GSE1: variants seen among roughly 807,000 people sequenced by gnomAD.
GSE1 encodes the protein genetic suppressor element 1.
In GSE1, 32 loss-of-function variants were observed where a neutral mutation model predicts 112.6. The ratio of observed to expected loss-of-function variants is 0.28; its 90% CI spans 0.21 to 0.38. The LOEUF (loss-of-function observed/expected upper bound fraction) is 0.38, where lower values mean the gene tolerates loss of function less well. GSE1 is among the 10% of genes least tolerant of loss of function. The pLI is 1.00. For missense variants in GSE1, 2,348 were observed against 1,699.2 expected, an observed-to-expected ratio of 1.38 and a Z score of -6.71; for synonymous variants, 1,115 against 735.6, an observed-to-expected ratio of 1.52 and a Z score of -8.35.
intron 2 of GSE1, among the ~76,000 whole-genome samples, chr16:85,395,006 T>C (rs1486868242): frequency 6.6e-6 from 1 of 151,938 alleles, no homozygotes; most frequent in Non-Finnish European, 1.5e-5. Context: ...CAAAGACATA[T>C]AGGAATTAGG....
chr16:85,196,910 A>G (rs1199000051), intron 1 of GSE1, among the ~76,000 whole-genome samples: 1 of 152,072 alleles, frequency 6.6e-6, no homozygotes, highest in Admixed American at 6.5e-5. Context: ...TCCCCTGTGA[A>G]TATGTGTCCA....
chr16:85,497,660 T>A (rs2051225286), intron 2 of GSE1, among the ~76,000 whole-genome samples: 1 of 152,214 alleles, frequency 6.6e-6, no homozygotes, highest in Non-Finnish European at 1.5e-5. Flanking sequence ...CTTTGTCACA[T>A]CTACAAAGAC....
rs1019290258 is a variant in GSE1 at position 85,300,925 on chromosome 16, G to T, written c.2284-56538G>T. ...CCTCCCAGAATTTGGGGGGAGTGGG[G>T]ACTGGGGGCTGGAGAAGGGGAAGAC... On this transcript the variant is annotated intron_variant, in intron 1 of 2. Transcript: ENST00000637419. Among the ~76,000 whole-genome samples, 5 of 152,184 alleles carry T rather than the reference G, an allele frequency of 3.3e-5. No homozygotes were observed. The South Asian group carries it at 1.0e-3, about 32-fold the overall frequency.
chr16:85,394,661 C>T (rs781372832), intron 2 of GSE1, among the ~76,000 whole-genome samples: 1 of 152,210 alleles, frequency 6.6e-6, no homozygotes, highest in Non-Finnish European at 1.5e-5. Flanking sequence ...GTGTGGGCGT[C>T]TCCCCCTGAA....
At chr16:85,289,255 C>G (rs1033015197) in intron 1 of GSE1, among the ~76,000 whole-genome samples, 7 of 152,176 alleles carry the variant, frequency 4.6e-5, no homozygotes, top group Non-Finnish European at 2.9e-5. Context: ...TGAGTTCATC[C>G]TCCCGCCATT....
In GSE1 at chr16:85,648,617, A is replaced by G. The variant is rs2051078627; in HGVS notation, c.292A>G (p.Ser98Gly). The G allele has an allele frequency of 1.9e-6, 3 of 1,605,764 alleles. No homozygotes were observed. The highest frequency in any genetic ancestry group is 2.6e-6 in the Non-Finnish European group (3 of 1,175,950). ...SPATNHSSPA[S>G]TPKRVPMGPI... ...GGCCACCAACCACAGCTCCCCCGCC[A>G]GCACACCCAAGCGCGTGCCCATGGG... The change falls in exon 3 of 16, where the codon AGC (serine) becomes GGC (glycine). Residue 98 changes from serine to glycine, a missense_variant. Physicochemically the swap from Ser to Gly is moderately conservative, Grantham distance 56 (BLOSUM62 0). Coordinates refer to ENST00000253458, the MANE Select transcript of GSE1 (RefSeq NM_014615.5).
rs1275074365 is a variant in GSE1 at position 85,478,907 on chromosome 16, C to T, written c.2464+121264C>T. ...TCTTTCTTTCTTTCTTTCTTTCTTT[C>T]TTTCTTTCTTTCTTTCTTTCTCTTT... On this transcript the variant is annotated intron_variant, in intron 2 of 2. Transcript: ENST00000637419. Among the ~76,000 whole-genome samples the T allele has an allele frequency of 4.9e-4, 25 of 51,036 alleles. 1 individual carries two copies. Among genetic ancestry groups the T allele is most frequent in the Middle Eastern group, 9.3e-3 (1 of 108 alleles). The allele number at this position is 51,036 out of a possible 152,430, so 33.5% of individuals were successfully genotyped here. A position where few individuals can be genotyped will look rare whatever the true frequency, so the allele number is the denominator to read the frequency against.
At chr16:85,344,543 G>A (rs767460121) in intron 1 of GSE1, among the ~76,000 whole-genome samples, 1 of 152,216 alleles carries the variant, frequency 6.6e-6, no homozygotes, top group Non-Finnish European at 1.5e-5. Context: ...TGTGTGAAGC[G>A]CAGGGCTGCT....
At chr16:85,291,273 G>C (rs2045202575) in intron 1 of GSE1, among the ~76,000 whole-genome samples, 1 of 152,180 alleles carries the variant, frequency 6.6e-6, no homozygotes, top group Non-Finnish European at 1.5e-5. Context: ...TAGGAGCCAG[G>C]CGTCCCTCCT....
intron 1 of GSE1, among the ~76,000 whole-genome samples, chr16:85,223,964 G>T (rs980452861): frequency 6.6e-6 from 1 of 152,046 alleles, no homozygotes; most frequent in Admixed American, 6.5e-5. Flanking sequence ...TCACAAGGCC[G>T]TGCAACCACC....
intron 1 of GSE1, among the ~76,000 whole-genome samples, chr16:85,563,649 C>T (rs2045620270): frequency 6.6e-6 from 1 of 152,236 alleles, no homozygotes; most frequent in African/African-American, 2.4e-5. Context: ...TCCTCTGCTC[C>T]CTCCCACAGT....
intron 2 of GSE1, among the ~76,000 whole-genome samples, chr16:85,391,872 G>A (rs2047845871): frequency 6.6e-6 from 1 of 152,160 alleles, no homozygotes; most frequent in Non-Finnish European, 1.5e-5. Context: ...GACTTGCTAT[G>A]CTGGAACGTG....
At chr16:85,257,732 G>A (rs1045229201) in intron 1 of GSE1, among the ~76,000 whole-genome samples, 1 of 152,176 alleles carries the variant, frequency 6.6e-6, no homozygotes, top group Middle Eastern at 3.2e-3. Flanking sequence ...AATCACTTGA[G>A]CCCAGTCCTT....
chr16:85,269,489 C>G (rs1567651854), intron 1 of GSE1, among the ~76,000 whole-genome samples: 1 of 148,922 alleles, frequency 6.7e-6, no homozygotes, highest in Non-Finnish European at 1.5e-5. Context: ...CCCTTGTGTT[C>G]TACGGAGGTA....
At chr16:85,427,767 G>C (rs373419088) in intron 2 of GSE1, among the ~76,000 whole-genome samples, 1 of 152,222 alleles carries the variant, frequency 6.6e-6, no homozygotes, top group South Asian at 2.1e-4. Context: ...AGGAGGTGGA[G>C]GTTGCAGTGA....
intron 2 of GSE1, 63 bp downstream of exon 2, chr16:85,634,195 T>A: frequency 8.5e-7 from 1 of 1,174,912 alleles, no homozygotes; most frequent in Non-Finnish European, 1.1e-6. Context: ...GGACTCAGCC[T>A]CCCGCCTGCG....
chr16:85,359,896 T>C (rs1182193250), intron 2 of GSE1, among the ~76,000 whole-genome samples: 2 of 152,116 alleles, frequency 1.3e-5, no homozygotes, highest in Non-Finnish European at 2.9e-5. Context: ...TAGCCGGGCA[T>C]GGTGGCACGC....
At chr16:85,551,242 A>ACCTCGTGATCCGTCCGCCTCGGCCTCC (rs2044900620), upstream of GSE1, among the ~76,000 whole-genome samples, 1 of 152,176 alleles carries the variant, frequency 6.6e-6, no homozygotes, top group Non-Finnish European at 1.5e-5. Context: ...GTGGAGAGAG[A>ACCTCGTGATCCGTCCGCCTCGGCCTCC]CAGAGACATC....
Position 85,361,053 on chromosome 16 carries a change from C to T in GSE1, c.2464+3410C>T, listed in dbSNP as rs560051605. Among the ~76,000 whole-genome samples, 5 of 152,118 alleles carry T rather than the reference C, an allele frequency of 3.3e-5. No homozygotes were observed. In the South Asian group the frequency reaches 8.3e-4, roughly 25 times the overall value. Reference sequence around the variant, plus strand: ...CAGACTCACATACACATATGCGATACACATATGGATACATACACAGAGTAC... The same window carrying T: ...CAGACTCACATACACATATGCGATATACATATGGATACATACACAGAGTAC... On this transcript the variant is annotated intron_variant, in intron 2 of 2. Coordinates refer to the GSE1 transcript ENST00000637419.
Sources: allele counts gnomAD v4.1 joint callset (sites outside exome capture counted in the v4.1 genomes callset), GRCh38; gene constraint gnomAD v4.1.1; transcripts MANE v1.5; gene names NCBI Gene and HGNC (gene_info 2026-07-23, HGNC 2026-07-21).